SIGLEC7: variants seen among roughly 807,000 people sequenced by gnomAD.
The protein encoded by SIGLEC7 is sialic acid-binding Ig-like lectin 7.
In SIGLEC7, 33 loss-of-function variants were observed where a neutral mutation model predicts 40.8. The observed-to-expected ratio is 0.81, with a 90% CI of 0.61 to 1.08. The LOEUF (loss-of-function observed/expected upper bound fraction) is 1.08. SIGLEC7 is among the 50% of genes least tolerant of loss of function. The probability of loss-of-function intolerance (pLI) is 0.00; values close to 1 mark genes in which losing one functional copy is unlikely to be tolerated. For missense variants in SIGLEC7, 513 were observed against 576.1 expected (o/e 0.89, Z 1.12); for synonymous variants, 242 against 237.6 (o/e 1.02, Z -0.17).
intron 6 of SIGLEC7, among the ~76,000 whole-genome samples, chr19:51,149,788 G>A (rs1200764833): frequency 1.3e-5 from 2 of 152,260 alleles, no homozygotes; most frequent in South Asian, 2.1e-4. Flanking sequence ...CATGAGCATA[G>A]TATGTTTTTC....
rs1335075641 is a variant in SIGLEC7, at chr19:51,142,505, T to C, written c.136T>C (p.Cys46Arg). 1.5e-5 allele frequency: 25 copies of C among 1,614,074 alleles called. No homozygotes were observed. The highest frequency in any genetic ancestry group is 2.0e-5 in the Non-Finnish European group (24 of 1,180,040). ...VQEGMCVHVR[C>R]SFSYPVDSQT... ...AGAGGGCATGTGTGTCCATGTGCGC[T>C]GCTCCTTCTCCTACCCAGTGGACAG... The change falls in exon 1 of 7, where the codon TGC becomes CGC. Residue 46 changes from cysteine (C) to arginine (R), a missense_variant. Physicochemically the swap from Cys to Arg is radical, Grantham distance 180. Transcript: ENST00000317643. The surrounding 1 kb of genome is among the most constrained non-coding windows in gnomAD (Gnocchi z 5.0).
At chr19:51,147,401 T>C (rs1239849182) in intron 6 of SIGLEC7, 84 bp downstream of exon 6, 1 of 1,179,488 alleles carries the variant, frequency 8.5e-7, no homozygotes, top group Admixed American at 2.5e-5. Flanking sequence ...CTGCTTATCA[T>C]GGCCAAAATT....
chr19:51,150,267 A>C (rs1367156774), intron 6 of SIGLEC7, among the ~76,000 whole-genome samples: 1 of 152,184 alleles, frequency 6.6e-6, no homozygotes, highest in Non-Finnish European at 1.5e-5. Flanking sequence ...ATTCAATATG[A>C]TGTTGGCTCT....
In SIGLEC7 at chr19:51,153,313, T is replaced by A. The variant is rs958878983; in HGVS notation, c.*68T>A. ...TCCAGCAAAGGAGTCTGAGGCTGAT[T>A]CCAGTAGAATTAGCAGCCCTCAATG... On this transcript the variant is annotated 3_prime_UTR_variant, in exon 7 of 7. Transcript: ENST00000317643. 13 of 1,262,746 alleles carry A rather than the reference T, an allele frequency of 1.0e-5. No homozygotes were observed. The highest frequency in any genetic ancestry group is 5.3e-4 in the Middle Eastern group (2 of 3,784). 78.2% of individuals were successfully genotyped at this position (1,262,746 alleles called of 1,614,324 possible).
In SIGLEC7 at chr19:51,147,293, C is replaced by T. The variant is rs567788684; in HGVS notation, c.1197C>T (p.Asn399=). 6.2e-7 allele frequency: 1 copy of T among 1,611,560 alleles called. No homozygotes were observed. Among genetic ancestry groups the T allele is most frequent in the Non-Finnish European group, 8.5e-7 (1 of 1,178,374 alleles). The change falls in exon 6 of 7, where the codon AAC becomes AAT. Residue 399 remains asparagine (N), a synonymous_variant. Transcript: ENST00000317643. ...GAGACATAGGCATGAAGGATGCAAA[C>T]ACCATCAGGGGCTCAGCCTCTCAGG... is the stretch of plus-strand genomic sequence containing the variant. ...DVGDIGMKDA[N]TIRGSASQGN... is the part of the protein sequence containing the mutation.
At chr19:51,144,172 C>A (rs2092089600) in intron 1 of SIGLEC7, 1 of 750,422 alleles carries the variant, frequency 1.3e-6, no homozygotes, top group Non-Finnish European at 2.4e-6. Context: ...GATGGAATTA[C>A]AAAACGAAGC....
chr19:51,152,088 A>C (rs987854731), intron 6 of SIGLEC7, among the ~76,000 whole-genome samples: 6 of 152,202 alleles, frequency 3.9e-5, no homozygotes, highest in Admixed American at 2.6e-4. Flanking sequence ...CTGGGCCAAA[A>C]TCAAGGCATT....
rs549027386 is a variant in SIGLEC7 at position 51,143,690 on chromosome 19, G to A, written c.434-716G>A. The A allele has an allele frequency of 3.9e-4, 86 of 218,140 alleles. 2 individuals are homozygous for A. In the South Asian group the frequency reaches 4.7e-3, roughly 12 times the overall value. The allele number at this position is 218,140 out of a possible 1,614,324, so 13.5% of individuals were successfully genotyped here. A position where few individuals can be genotyped will look rare whatever the true frequency, so the allele number is the denominator to read the frequency against. On this transcript the variant is annotated intron_variant, in intron 1 of 6. Transcript: ENST00000317643. The stretch of plus-strand genomic sequence containing the variant: ...AGCCCCCTGTGGGTCCCACAGCCCT[G>A]CCCCTCCTCTCCCTCCCACTTCTCT...
At chr19:51,152,477 T>C (rs1397899837) in intron 6 of SIGLEC7, among the ~76,000 whole-genome samples, 1 of 152,208 alleles carries the variant, frequency 6.6e-6, no homozygotes, top group African/African-American at 2.4e-5. Context: ...GTCCTCCCCA[T>C]ACCACCGAAC....
chr19:51,143,780 G>A lies in SIGLEC7; in HGVS notation c.434-626G>A, dbSNP rs190744071. ...GCTGCTGCCTCTCTTGTGGGCAAATGAAGAGAGGGACAGTCGGGGCTGGGC... is the reference window on the plus strand; with the variant it reads ...GCTGCTGCCTCTCTTGTGGGCAAATAAAGAGAGGGACAGTCGGGGCTGGGC... On this transcript the variant is annotated intron_variant, in intron 1 of 6. Coordinates refer to ENST00000317643, the MANE Select transcript of SIGLEC7 (RefSeq NM_014385.4). 459 of 285,912 alleles carry A rather than the reference G, an allele frequency of 1.6e-3. 3 individuals carry two copies. Among genetic ancestry groups the A allele is most frequent in the African/African-American group, 6.0e-3 (260 of 43,582 alleles). 17.7% of individuals were successfully genotyped at this position (285,912 alleles called of 1,614,324 possible).
At chr19:51,147,584 T>C (rs1352711603) in intron 6 of SIGLEC7, among the ~76,000 whole-genome samples, 2 of 152,118 alleles carry the variant, frequency 1.3e-5, no homozygotes, top group Non-Finnish European at 2.9e-5. Context: ...CACCAAATCT[T>C]GTCCATTTTT....
At chr19:51,149,146 G>A (rs887852895) in intron 6 of SIGLEC7, among the ~76,000 whole-genome samples, 1 of 152,160 alleles carries the variant, frequency 6.6e-6, no homozygotes, top group African/African-American at 2.4e-5. Context: ...TTGCTGTGCA[G>A]GAGCTCTTAA....
chr19:51,148,136 T>C (rs774577099), intron 6 of SIGLEC7, among the ~76,000 whole-genome samples: 4 of 152,156 alleles, frequency 2.6e-5, no homozygotes, highest in Non-Finnish European at 5.9e-5. Context: ...TGGCCTAGCA[T>C]GCAAAATTTA....
chr19:51,149,171 C>T (rs532256248), intron 6 of SIGLEC7, among the ~76,000 whole-genome samples: 294 of 152,320 alleles, frequency 1.9e-3, no homozygotes, highest in Non-Finnish European at 2.5e-3. Flanking sequence ...AATTAGATCC[C>T]ATTTGTCAAT....
At chr19:51,144,761 C>T (rs1001905692) in intron 2 of SIGLEC7, 77 bp downstream of exon 2, 81 of 1,583,006 alleles carry the variant, frequency 5.1e-5, no homozygotes, top group South Asian at 6.9e-5. Context: ...GGTCAGGGCT[C>T]GACACTGGGT....
At chr19:51,149,951 T>C (rs965747171) in intron 6 of SIGLEC7, among the ~76,000 whole-genome samples, 2 of 152,236 alleles carry the variant, frequency 1.3e-5, no homozygotes, top group African/African-American at 4.8e-5. Flanking sequence ...CTTGGCTTGG[T>C]AGTTCCTGAT....
chr19:51,153,242 G>C lies in SIGLEC7; in HGVS notation c.1401G>C (p.Lys467Asn). The stretch of plus-strand genomic sequence containing the variant: ...AGTACTCAGAGATCAAGATCCCCAA[G>C]TAAGAAAATGCAGAGGCTCGGGCTT... ...NNEYSEIKIP[K>N] The change falls in exon 7 of 7, where the codon AAG becomes AAC. Residue 467 changes from lysine to asparagine, a missense_variant. Lys to Asn is a moderately conservative substitution (Grantham distance 94, BLOSUM62 0). Transcript: ENST00000317643. The C allele has an allele frequency of 6.4e-7, 1 of 1,561,616 alleles. No homozygotes were observed. The highest frequency in any genetic ancestry group is 1.4e-5 in the African/African-American group (1 of 73,342).
intron 1 of SIGLEC7, chr19:51,144,068 G>A: frequency 1.6e-6 from 1 of 619,426 alleles, no homozygotes; most frequent in East Asian, 3.9e-5. Context: ...CCTCCTTGGG[G>A]ACCTGAAGAC....
In SIGLEC7 at chr19:51,153,467, C is replaced by T. The variant is rs1446703602; in HGVS notation, c.*222C>T. ...CCTGGCCTCTGGTACCCACCATTCT[C>T]CTCTGTACTTCTCTAAGGATGACTA... On this transcript the variant is annotated 3_prime_UTR_variant, in exon 7 of 7. Coordinates refer to ENST00000317643, the MANE Select transcript of SIGLEC7 (RefSeq NM_014385.4). 5.5e-6 allele frequency: 2 copies of T among 362,248 alleles called. No individual in the cohort carries two copies. Among genetic ancestry groups the T allele is most frequent in the African/African-American group, 2.1e-5 (1 of 48,374 alleles). The allele number at this position is 362,248 out of a possible 1,614,324, so 22.4% of individuals were successfully genotyped here. A position where few individuals can be genotyped will look rare whatever the true frequency, so the allele number is the denominator to read the frequency against.
Sources: gnomAD v4.1 joint callset for allele counts (sites outside exome capture counted in the v4.1 genomes callset) on GRCh38, gnomAD v4.1.1 for gene constraint, Gnocchi (gnomAD v3.1) non-coding constraint, MANE v1.5 for transcripts, NCBI Gene and HGNC (gene_info 2026-07-23, HGNC 2026-07-21) for gene names.